TEX101: variants seen among roughly 807,000 people sequenced by gnomAD.
The protein encoded by TEX101 is testis expressed 101.
In TEX101, 10 loss-of-function variants were observed where a neutral mutation model predicts 18.1. That is an observed-to-expected ratio of 0.55 (90% confidence interval 0.34 to 0.94). The LOEUF (loss-of-function observed/expected upper bound fraction) is 0.94. Among genes scored for constraint, TEX101 ranks in the 40% least tolerant of loss-of-function variants. The pLI is 0.02. For missense variants in TEX101, 259 were observed against 298.9 expected, an observed-to-expected ratio of 0.87 and a Z score of 0.98; for synonymous variants, 94 against 114.8, an observed-to-expected ratio of 0.82 and a Z score of 1.16.
At chr19:43,411,051 A>G (rs186334346), upstream of TEX101, among the ~76,000 whole-genome samples, 1 of 151,464 alleles carries the variant, frequency 6.6e-6, no homozygotes, top group African/African-American at 2.4e-5. Context: ...CTAGAATCTT[A>G]CTTGAGGTAA....
At chr19:43,392,173 G>A in the TEX101 span, among the ~76,000 whole-genome samples, 2 of 152,062 alleles carry the variant, frequency 1.3e-5, no homozygotes, top group African/African-American at 4.8e-5. Flanking sequence ...TACAGAGAGA[G>A]ACAGAGAGCA....
chr19:43,411,641 TTC>T (rs1247788271), upstream of TEX101, among the ~76,000 whole-genome samples: 1 of 152,164 alleles, frequency 6.6e-6, no homozygotes, highest in Non-Finnish European at 1.5e-5. Flanking sequence ...TTTCTTTTTT[TTC>T]TTTTTTTTCT....
At chr19:43,416,624 T>C in intron 4 of TEX101, 69 bp downstream of exon 4, 1 of 1,505,004 alleles carries the variant, frequency 6.6e-7, no homozygotes, top group Non-Finnish European at 9.0e-7. Flanking sequence ...GGCCTCCCTT[T>C]GCATTCTGAC....
At chr19:43,403,563 C>T (rs1970335988) in intron 2 of TEX101, among the ~76,000 whole-genome samples, 1 of 151,628 alleles carries the variant, frequency 6.6e-6, no homozygotes, top group Non-Finnish European at 1.5e-5. Context: ...TGCACATGTA[C>T]CCTAGAACTT....
At chr19:43,393,554 C>G in the TEX101 span, among the ~76,000 whole-genome samples, 1 of 151,964 alleles carries the variant, frequency 6.6e-6, no homozygotes, top group East Asian at 1.9e-4. Context: ...ATGAGAGTCA[C>G]TGTTCATTAT....
chr19:43,416,019 A>T, intron 2 of TEX101, 36 bp downstream of exon 2: 1 of 1,612,684 alleles, frequency 6.2e-7, no homozygotes, highest in Middle Eastern at 1.7e-4. Context: ...GCCGTGTGTC[A>T]CAGAAGGTGG....
the TEX101 span, among the ~76,000 whole-genome samples, chr19:43,390,296 C>T: frequency 2.6e-5 from 4 of 152,108 alleles, no homozygotes; most frequent in Admixed American, 1.3e-4. Context: ...AGCCCCACGC[C>T]AGACCCAGTA....
chr19:43,408,650 C>G (rs1333821242), intron 3 of TEX101, among the ~76,000 whole-genome samples: 7 of 152,050 alleles, frequency 4.6e-5, no homozygotes, highest in Admixed American at 1.3e-4. Flanking sequence ...AGGGCCTGCA[C>G]CAGAGACCTT....
At chr19:43,391,412 T>C in the TEX101 span, among the ~76,000 whole-genome samples, 6 of 148,344 alleles carry the variant, frequency 4.0e-5, no homozygotes, top group African/African-American at 1.2e-4. Flanking sequence ...TTTTCTTTTT[T>C]TTTTTTTTTT....
At chr19:43,405,719 G>A (rs1970355260) in intron 2 of TEX101, among the ~76,000 whole-genome samples, 1 of 151,924 alleles carries the variant, frequency 6.6e-6, no homozygotes, top group African/African-American at 2.4e-5. Flanking sequence ...GAAGTCAGGA[G>A]TTTGAGACCA....
chr19:43,410,743 A>T (rs1191264075), upstream of TEX101, among the ~76,000 whole-genome samples: 1 of 152,062 alleles, frequency 6.6e-6, no homozygotes, highest in East Asian at 1.9e-4. Context: ...CATCAGACAC[A>T]CATTCACACA....
chr19:43,392,038 T>A, the TEX101 span, among the ~76,000 whole-genome samples: 1 of 151,772 alleles, frequency 6.6e-6, no homozygotes, highest in Non-Finnish European at 1.5e-5. Context: ...AGCCCCTGGC[T>A]TAGGGGAAAA....
At chr19:43,393,107 A>AAG in the TEX101 span, among the ~76,000 whole-genome samples, 24 of 78,008 alleles carry the variant, frequency 3.1e-4, no homozygotes, top group East Asian at 1.0e-3. Flanking sequence ...AAGGAAGGAA[A>AAG]GAAAGAAGGA....
chr19:43,406,325 C>A, exon 3 of TEX101: 1 of 565,946 alleles, frequency 1.8e-6, no homozygotes. Context: ...ATTAGTGACG[C>A]GCGCGAATGG....
At chr19:43,390,602 A>G in the TEX101 span, among the ~76,000 whole-genome samples, 5 of 149,808 alleles carry the variant, frequency 3.3e-5, no homozygotes, top group Non-Finnish European at 7.4e-5. Context: ...TGAGTAGCTG[A>G]GACTACAGGT....
At chr19:43,392,067 C>T in the TEX101 span, among the ~76,000 whole-genome samples, 2 of 152,030 alleles carry the variant, frequency 1.3e-5, no homozygotes, top group Non-Finnish European at 2.9e-5. Context: ...CTGAGAAACA[C>T]ACAGAGAGAG....
the TEX101 span, among the ~76,000 whole-genome samples, chr19:43,388,798 G>A: frequency 6.6e-6 from 1 of 152,196 alleles, no homozygotes; most frequent in Non-Finnish European, 1.5e-5. Flanking sequence ...TGCTTACTCA[G>A]TCATAAGACA....
Position 43,415,053 on chromosome 19 carries a change from G to A in TEX101, c.-40+15G>A. On this transcript the variant is annotated intron_variant, in intron 1 of 5. Transcript: ENST00000598265. ...TGGATTCTGAGGAAAGAGAAGGCTG[G>A]GGACCCAGATCCTGGCTCTGAGGGG... The A allele has an allele frequency of 2.0e-6, 2 of 985,444 alleles. No homozygotes were observed. Among genetic ancestry groups the A allele is most frequent in the Non-Finnish European group, 2.4e-6 (2 of 829,952 alleles). The allele number at this position is 985,444 out of a possible 1,614,324, so 61.0% of individuals were successfully genotyped here. A position where few individuals can be genotyped will look rare whatever the true frequency, so the allele number is the denominator to read the frequency against.
the TEX101 span, among the ~76,000 whole-genome samples, chr19:43,392,971 T>A: frequency 6.7e-6 from 1 of 149,654 alleles, no homozygotes; most frequent in Non-Finnish European, 1.5e-5. Flanking sequence ...GGCAGGAGAG[T>A]CACTTGAACC....
Sources: allele counts gnomAD v4.1 joint callset (sites outside exome capture counted in the v4.1 genomes callset), GRCh38; gene constraint gnomAD v4.1.1; transcripts MANE v1.5; gene names NCBI Gene and HGNC (gene_info 2026-07-23, HGNC 2026-07-21).